Variants in COL25A1 observed in about 807,000 individuals in gnomAD.
The protein encoded by COL25A1 is collagen type XXV alpha 1 chain, also known as collagen alpha-1(XXV) chain.
In COL25A1, 103 loss-of-function variants were observed where a neutral mutation model predicts 128.4. The observed-to-expected ratio is 0.80, with a 90% confidence interval of 0.68 to 0.94. The LOEUF is 0.94. Ranked by LOEUF, COL25A1 falls within the 40% of genes least tolerant of loss-of-function variation. COL25A1 has a pLI of 0.00. For synonymous variants in COL25A1, 279 were observed against 277.2 expected (o/e 1.01, Z -0.06); for missense variants, 745 against 840.0 (o/e 0.89, Z 1.40).
At chr4:109,257,641 A>G (rs1427710380) in intron 3 of COL25A1, among the ~76,000 whole-genome samples, 2 of 152,178 alleles carry the variant, frequency 1.3e-5, no homozygotes, top group Non-Finnish European at 2.9e-5. Context: ...CGAGTAAACC[A>G]ATATCAAAGA....
At chr4:109,034,212 C>T (rs1020243367) in intron 5 of COL25A1, among the ~76,000 whole-genome samples, 6 of 152,148 alleles carry the variant, frequency 3.9e-5, no homozygotes. Flanking sequence ...ACAGAATGCA[C>T]ATTCTCATTG....
rs115143032 is a variant in COL25A1 at position 108,963,584 on chromosome 4, A to C, written c.492+10783T>G. Among the ~76,000 whole-genome samples, 1,042 of 152,184 alleles carry C rather than the reference A, an allele frequency of 6.8e-3. 14 individuals are homozygous for C. Among genetic ancestry groups the C allele is most frequent in the African/African-American group, 0.024 (1,007 of 41,508 alleles). On this transcript the variant is annotated intron_variant, in intron 8 of 37. Transcript: ENST00000399132. ...GCAACTCATGGCTCTACATTACATG[A>C]ATTAATAAATCTAAAAATCTTATAT... is the stretch of plus-strand genomic sequence containing the variant.
At chr4:109,223,337 T>C (rs997001561) in intron 3 of COL25A1, among the ~76,000 whole-genome samples, 1 of 151,662 alleles carries the variant, frequency 6.6e-6, no homozygotes, top group Non-Finnish European at 1.5e-5. Flanking sequence ...TTGTGTACTC[T>C]TAGAAAGTTG....
chr4:108,969,000 T>TA (rs946917395), intron 8 of COL25A1, among the ~76,000 whole-genome samples: 4 of 152,208 alleles, frequency 2.6e-5, no homozygotes, highest in Middle Eastern at 3.4e-3. Context: ...GACTGCTTTT[T>TA]AAAAAAACTT....
intron 8 of COL25A1, among the ~76,000 whole-genome samples, chr4:108,945,486 A>G (rs1444766919): frequency 6.6e-6 from 1 of 152,176 alleles, no homozygotes; most frequent in Admixed American, 6.5e-5. Context: ...TTTTTCCCAC[A>G]GTATCATTAG....
At chr4:109,170,182 T>G (rs902814473) in intron 3 of COL25A1, among the ~76,000 whole-genome samples, 1 of 152,146 alleles carries the variant, frequency 6.6e-6, no homozygotes, top group Admixed American at 6.6e-5. Flanking sequence ...GTATTCTATG[T>G]TTATTTTTCT....
chr4:108,942,587 C>G (rs2125930810), intron 8 of COL25A1, among the ~76,000 whole-genome samples: 1 of 151,606 alleles, frequency 6.6e-6, no homozygotes, highest in East Asian at 2.0e-4. Context: ...GGGATTACAG[C>G]CATGTGCCAC....
chr4:109,243,118 A>ACTT (rs1199860990), intron 3 of COL25A1, among the ~76,000 whole-genome samples: 1 of 152,100 alleles, frequency 6.6e-6, no homozygotes, highest in Admixed American at 6.6e-5. Flanking sequence ...GTTTCTAAAA[A>ACTT]CTTTCGTTTC....
chr4:108,843,030 T>G (rs549277597), intron 30 of COL25A1, among the ~76,000 whole-genome samples: 2 of 151,456 alleles, frequency 1.3e-5, no homozygotes, highest in South Asian at 4.2e-4. Context: ...GTGCCTGTTG[T>G]CCCAGCTACT....
chr4:109,127,131 G>A (rs943456762), intron 3 of COL25A1, among the ~76,000 whole-genome samples: 1 of 152,154 alleles, frequency 6.6e-6, no homozygotes, highest in East Asian at 1.9e-4. Context: ...TTCATAATCT[G>A]ATAGAATATT....
intron 3 of COL25A1, among the ~76,000 whole-genome samples, chr4:109,239,737 T>C (rs1384332581): frequency 6.6e-6 from 1 of 151,862 alleles, no homozygotes; most frequent in Non-Finnish European, 1.5e-5. Context: ...TTTTTAAAAT[T>C]TTCTCTTCAA....
intron 3 of COL25A1, among the ~76,000 whole-genome samples, chr4:109,178,128 T>G (rs1774265167): frequency 6.6e-6 from 1 of 152,238 alleles, no homozygotes; most frequent in East Asian, 1.9e-4. Flanking sequence ...TCTTTTTCCT[T>G]TTCTGGCAGT....
chr4:109,130,281 T>C (rs534430543), intron 3 of COL25A1, among the ~76,000 whole-genome samples: 8 of 152,196 alleles, frequency 5.3e-5, no homozygotes, highest in Admixed American at 6.5e-5. Context: ...GTGCTCTACA[T>C]TATAACAGAC....
intron 3 of COL25A1, among the ~76,000 whole-genome samples, chr4:109,293,780 A>C (rs913057992): frequency 6.6e-6 from 1 of 152,152 alleles, no homozygotes; most frequent in African/African-American, 2.4e-5. Flanking sequence ...TGCGCTTCAA[A>C]TCTCATATTA....
chr4:109,057,585 A>G (rs564407323), intron 3 of COL25A1, among the ~76,000 whole-genome samples: 1 of 151,770 alleles, frequency 6.6e-6, no homozygotes, highest in South Asian at 2.1e-4. Context: ...CCTGGCCTCA[A>G]TTTGAAATAA....
At chr4:108,932,322 A>G (rs1236398447) in intron 11 of COL25A1, among the ~76,000 whole-genome samples, 1 of 152,238 alleles carries the variant, frequency 6.6e-6, no homozygotes, top group Non-Finnish European at 1.5e-5. Flanking sequence ...TAATATTTTA[A>G]AAACATTATA....
chr4:109,041,427 T>C (rs1450091731), intron 5 of COL25A1, among the ~76,000 whole-genome samples: 2 of 152,088 alleles, frequency 1.3e-5, no homozygotes, highest in African/African-American at 4.8e-5. Context: ...CTAGTGATAA[T>C]AGTTTTAATG....
At position 109,238,676 on chromosome 4, in the gene COL25A1, T is replaced by C. The variant is rs142192782; in HGVS notation, c.367+61907A>G. ...CACTGTGGAACTAGAAGGTGTGTGG[T>C]CAGAGAACCATGAATGGGCTGCTCT... On this transcript the variant is annotated intron_variant, in intron 3 of 37. Coordinates refer to ENST00000399132, the MANE Select transcript of COL25A1 (RefSeq NM_198721.4). Among the ~76,000 whole-genome samples the C allele has an allele frequency of 3.9e-4, 59 of 152,122 alleles. 1 individual carries two copies. The highest frequency in any genetic ancestry group is 1.4e-3 in the African/African-American group (57 of 41,528).
chr4:108,959,794 T>C (rs190501905), intron 8 of COL25A1, among the ~76,000 whole-genome samples: 39 of 152,266 alleles, frequency 2.6e-4, no homozygotes, highest in South Asian at 1.4e-3. Context: ...CATAGCAAGC[T>C]TTCTCCAATT....
Sources: gnomAD v4.1 joint callset for allele counts (sites outside exome capture counted in the v4.1 genomes callset) on GRCh38, gnomAD v4.1.1 for gene constraint, MANE v1.5 for transcripts, NCBI Gene and HGNC (gene_info 2026-07-23, HGNC 2026-07-21) for gene names.